Variants in NAV2 observed in about 807,000 individuals in gnomAD.
The protein encoded by NAV2 is helicase, APC down-regulated 1.
Under a neutral mutation model 223.2 loss-of-function variants are expected in NAV2, and 54 were observed. The ratio of observed to expected loss-of-function variants is 0.24; its 90% CI spans 0.19 to 0.30. The LOEUF is 0.30. Ranked by LOEUF, NAV2 falls within the 10% of genes least tolerant of loss-of-function variation. The pLI, the probability that NAV2 is intolerant of heterozygous loss-of-function variation, is 1.00. For synonymous variants in NAV2, 1,279 were observed against 1,239.3 expected (o/e 1.03, Z -0.67); for missense variants, 2,806 against 3,147.5 (o/e 0.89, Z 2.60).
intron 1 of NAV2, among the ~76,000 whole-genome samples, chr11:19,521,748 T>C (rs567505676): frequency 6.6e-5 from 10 of 152,272 alleles, no homozygotes; most frequent in African/African-American, 2.4e-4. Context: ...ATTTTCCAGA[T>C]GAGGAAGCAG....
chr11:19,752,918 G>A (rs2053945887), intron 1 of NAV2, among the ~76,000 whole-genome samples: 1 of 152,202 alleles, frequency 6.6e-6, no homozygotes, highest in South Asian at 2.1e-4. Flanking sequence ...TGGAGGTGGG[G>A]CCTTTGGGAG....
chr11:19,879,380 C>T (rs1170325067), intron 4 of NAV2, among the ~76,000 whole-genome samples: 1 of 152,132 alleles, frequency 6.6e-6, no homozygotes, highest in African/African-American at 2.4e-5. Context: ...AGATGGGGGA[C>T]ACAGAGCCAC....
At chr11:19,860,045 AC>A (rs1253185457) in intron 3 of NAV2, among the ~76,000 whole-genome samples, 23 of 58,210 alleles carry the variant, frequency 4.0e-4, no homozygotes, top group Admixed American at 6.2e-4. Context: ...CGGGGGGCTG[AC>A]CCCCCCCAAC....
chr11:20,006,339 T>C (rs531205377), intron 11 of NAV2, among the ~76,000 whole-genome samples: 103 of 151,992 alleles, frequency 6.8e-4, no homozygotes, highest in African/African-American at 2.2e-3. Context: ...GCACCAAAGA[T>C]GTTTCTTCTG....
chr11:19,784,940 G>T (rs2056993712), intron 1 of NAV2, among the ~76,000 whole-genome samples: 1 of 152,128 alleles, frequency 6.6e-6, no homozygotes, highest in South Asian at 2.1e-4. Context: ...ATATCTCTGT[G>T]CCTGGGAAGG....
At chr11:20,102,710 A>G (rs1251706381) in intron 32 of NAV2, among the ~76,000 whole-genome samples, 1 of 151,944 alleles carries the variant, frequency 6.6e-6, no homozygotes, top group Non-Finnish European at 1.5e-5. Context: ...CATTTTTGAC[A>G]TGCATCCCTT....
intron 1 of NAV2, among the ~76,000 whole-genome samples, chr11:19,461,018 G>A (rs1304719634): frequency 6.6e-6 from 1 of 152,166 alleles, no homozygotes. Context: ...TCCAGGAGGG[G>A]ACTATTAGCA....
upstream of NAV2, among the ~76,000 whole-genome samples, chr11:19,349,346 C>A (rs1007658415): frequency 9.2e-5 from 14 of 152,342 alleles, no homozygotes; most frequent in South Asian, 2.1e-4. Flanking sequence ...CCTCCTCCCC[C>A]CTCACAAGCC....
intron 1 of NAV2, among the ~76,000 whole-genome samples, chr11:19,578,972 A>ATG (rs1005830406): frequency 6.6e-6 from 1 of 152,234 alleles, no homozygotes; most frequent in East Asian, 1.9e-4. Context: ...CTAGATGTAA[A>ATG]TGTGTGTGTG....
intron 3 of NAV2, among the ~76,000 whole-genome samples, chr11:19,843,262 T>C (rs1349799066): frequency 2.6e-5 from 4 of 152,324 alleles, no homozygotes; most frequent in Non-Finnish European, 4.4e-5. Context: ...CACATCAATA[T>C]GTGTTTGTGT....
chr11:19,606,647 T>G (rs986974013), intron 1 of NAV2, among the ~76,000 whole-genome samples: 1 of 152,182 alleles, frequency 6.6e-6, no homozygotes, highest in African/African-American at 2.4e-5. Flanking sequence ...TGTTAATTCT[T>G]CAAAGTGCCC....
intron 33 of NAV2, 109 bp downstream of exon 33, chr11:20,103,518 C>T: frequency 1.3e-6 from 2 of 1,495,726 alleles, no homozygotes; most frequent in Non-Finnish European, 1.8e-6. Context: ...AAGCTGTGCA[C>T]ACGCATAGGG....
intron 20 of NAV2, among the ~76,000 whole-genome samples, chr11:20,065,782 T>C (rs1462709399): frequency 1.3e-5 from 2 of 152,206 alleles, no homozygotes; most frequent in Non-Finnish European, 2.9e-5. Flanking sequence ...CCTATGTGGA[T>C]GGCTAAGCCT....
At chr11:19,456,003 G>T (rs1035256071) in intron 1 of NAV2, among the ~76,000 whole-genome samples, 1 of 152,198 alleles carries the variant, frequency 6.6e-6, no homozygotes, top group Non-Finnish European at 1.5e-5. Flanking sequence ...CCCTGCAGAG[G>T]GGGAGGGAAG....
In NAV2 at chr11:20,068,389, G is replaced by T. The variant is rs370089157; in HGVS notation, c.4974G>T (p.Leu1658=). 5.6e-6 allele frequency: 9 copies of T among 1,613,644 alleles called. No homozygotes were observed. The highest frequency in any genetic ancestry group is 1.7e-5 in the Admixed American group (1 of 59,988). The change falls in exon 22 of 38, where the codon CTG becomes CTT. Residue 1658 remains leucine, a synonymous_variant. Transcript: ENST00000349880. ...QEKVSALTTQ[L]TANAHLVAAF... is the part of the protein sequence containing the mutation. ...AAGTTTCAGCTTTGACCACCCAGCT[G>T]ACAGCAAATGTAAGTACAGACATAG... is the stretch of plus-strand genomic sequence containing the variant.
At chr11:19,980,499 G>A (rs763611850) in intron 10 of NAV2, among the ~76,000 whole-genome samples, 1 of 152,160 alleles carries the variant, frequency 6.6e-6, no homozygotes, top group Non-Finnish European at 1.5e-5. Flanking sequence ...TCTTCACCCA[G>A]TGTGAGCCTC....
At chr11:19,476,022 T>C (rs1166065970) in intron 1 of NAV2, among the ~76,000 whole-genome samples, 1 of 152,206 alleles carries the variant, frequency 6.6e-6, no homozygotes, top group African/African-American at 2.4e-5. Flanking sequence ...CTCACTAGGC[T>C]GGAGTGCAGC....
At chr11:19,953,854 C>CGT (rs1565633435) in intron 10 of NAV2, among the ~76,000 whole-genome samples, 23 of 142,506 alleles carry the variant, frequency 1.6e-4, no homozygotes, top group Admixed American at 1.1e-3. Flanking sequence ...TGTGCACGCG[C>CGT]GCGCGTGTGT....
chr11:19,468,864 G>T (rs1160220224), intron 1 of NAV2, among the ~76,000 whole-genome samples: 1 of 152,106 alleles, frequency 6.6e-6, no homozygotes, highest in East Asian at 1.9e-4. Flanking sequence ...GAGGTACAAA[G>T]GGGTTACATG....
Sources: gnomAD v4.1 joint callset for allele counts (sites outside exome capture counted in the v4.1 genomes callset) on GRCh38, gnomAD v4.1.1 for gene constraint, MANE v1.5 for transcripts, NCBI Gene and HGNC (gene_info 2026-07-23, HGNC 2026-07-21) for gene names.